Variants in RBFOX3 observed in about 807,000 individuals in gnomAD.
RBFOX3 encodes the protein RNA binding fox-1 homolog 3, also known as RNA binding protein fox-1 homolog 3.
RBFOX3 carries 17 observed loss-of-function variants against 48.7 expected under a neutral mutation model. That is an observed-to-expected ratio of 0.35 (90% confidence interval 0.24 to 0.52). RBFOX3 has a LOEUF of 0.52. RBFOX3 is among the 20% of genes least tolerant of loss of function. The pLI, the probability that RBFOX3 is intolerant of heterozygous loss-of-function variation, is 0.94. For missense variants in RBFOX3, 382 were observed against 497.5 expected, an observed-to-expected ratio of 0.77 and a Z score of 2.21; for synonymous variants, 212 against 209.5, an observed-to-expected ratio of 1.01 and a Z score of -0.10.
chr17:79,487,247 G>A (rs1450948707), intron 1 of RBFOX3, among the ~76,000 whole-genome samples: 1 of 151,384 alleles, frequency 6.6e-6, no homozygotes. Flanking sequence ...CACTGGCCAG[G>A]CAGAGAGGAG....
At chr17:79,211,253 G>T (rs904129634) in intron 4 of RBFOX3, among the ~76,000 whole-genome samples, 3 of 152,210 alleles carry the variant, frequency 2.0e-5, no homozygotes, top group Admixed American at 2.0e-4. Context: ...GTCGTGGGGA[G>T]GCACAAGCCC....
chr17:79,549,080 C>T (rs528055697), intron 1 of RBFOX3, among the ~76,000 whole-genome samples: 1 of 152,342 alleles, frequency 6.6e-6, no homozygotes, highest in South Asian at 2.1e-4. Flanking sequence ...ACCAAGGTCC[C>T]TTGTCCCCAG....
intron 2 of RBFOX3, among the ~76,000 whole-genome samples, chr17:79,338,367 A>G (rs2081527974): frequency 1.3e-5 from 2 of 151,490 alleles, no homozygotes; most frequent in Admixed American, 1.3e-4. Flanking sequence ...TGCTGCCCTG[A>G]GCCGAGAATA....
chr17:79,098,944 T>C (rs2146371038), intron 9 of RBFOX3: 1 of 152,412 alleles, frequency 6.6e-6, no homozygotes, highest in South Asian at 2.1e-4. Flanking sequence ...ACAACCCCAC[T>C]GCAGGGCAGG....
chr17:79,102,641 T>G (rs751513839), intron 8 of RBFOX3, among the ~76,000 whole-genome samples: 1 of 152,188 alleles, frequency 6.6e-6, no homozygotes, highest in Non-Finnish European at 1.5e-5. Context: ...CTGCTCCTCC[T>G]TGGGGCCTGG....
chr17:79,382,576 G>T (rs989251913), intron 2 of RBFOX3, among the ~76,000 whole-genome samples: 1 of 152,216 alleles, frequency 6.6e-6, no homozygotes, highest in African/African-American at 2.4e-5. Flanking sequence ...ACATGTGCTT[G>T]CTGGGGAAGC....
At chr17:79,636,310 C>T in the RBFOX3 span, among the ~76,000 whole-genome samples, 77 of 151,960 alleles carry the variant, frequency 5.1e-4, no homozygotes, top group African/African-American at 1.8e-3. Context: ...TCTGAATATA[C>T]CTATATATAT....
At chr17:79,458,171 A>T (rs2074838588) in intron 2 of RBFOX3, among the ~76,000 whole-genome samples, 1 of 152,244 alleles carries the variant, frequency 6.6e-6, no homozygotes, top group South Asian at 2.1e-4. Context: ...GCAGGCACGC[A>T]GTGTCTCGAA....
At chr17:79,432,027 C>A (rs1317038291) in intron 2 of RBFOX3, among the ~76,000 whole-genome samples, 2 of 152,210 alleles carry the variant, frequency 1.3e-5, no homozygotes, top group African/African-American at 4.8e-5. Context: ...TTCTAGGGAC[C>A]TCATCTAAGT....
At chr17:79,496,480 A>T (rs973832905) in intron 1 of RBFOX3, among the ~76,000 whole-genome samples, 4 of 152,210 alleles carry the variant, frequency 2.6e-5, no homozygotes, top group African/African-American at 9.7e-5. Flanking sequence ...CTAGCCAGCA[A>T]CTGCAACAAC....
At chr17:79,139,921 C>T (rs2041569304) in intron 4 of RBFOX3, among the ~76,000 whole-genome samples, 1 of 152,206 alleles carries the variant, frequency 6.6e-6, no homozygotes, top group African/African-American at 2.4e-5. Flanking sequence ...GATGGGAAAA[C>T]TGACGCCGAG....
At chr17:79,145,327 G>A (rs1444194742) in intron 4 of RBFOX3, among the ~76,000 whole-genome samples, 1 of 152,214 alleles carries the variant, frequency 6.6e-6, no homozygotes, top group Non-Finnish European at 1.5e-5. Flanking sequence ...TTCCCGATGT[G>A]CGTGGCGGTT....
At chr17:79,620,165 G>GCA in the RBFOX3 span, among the ~76,000 whole-genome samples, 134,836 of 144,790 alleles carry the variant, frequency 0.93, 62,528 homozygotes, top group Non-Finnish European at 0.99. Context: ...GCGCGGACAT[G>GCA]CACACACATG....
At chr17:79,094,640 G>A (rs2074785835) in intron 13 of RBFOX3, 111 bp from the exon 14 acceptor site, 13 of 667,542 alleles carry the variant, frequency 1.9e-5, no homozygotes, top group South Asian at 1.8e-4. Flanking sequence ...ACCCTGTACC[G>A]AGGTCCCATC....
At chr17:79,389,078 G>C (rs117844293) in intron 2 of RBFOX3, among the ~76,000 whole-genome samples, 4,389 of 151,208 alleles carry the variant, frequency 0.029, 81 homozygotes, top group Non-Finnish European at 0.044. Flanking sequence ...GAACAGAGAC[G>C]GAGGGACGAA....
intron 14 of RBFOX3, among the ~76,000 whole-genome samples, chr17:79,093,637 C>T (rs2074466339): frequency 6.6e-6 from 1 of 152,164 alleles, no homozygotes; most frequent in African/African-American, 2.4e-5. Context: ...CCTCCTCACT[C>T]TCCCAAGATG....
At chr17:79,643,017 G>A in the RBFOX3 span, among the ~76,000 whole-genome samples, 6 of 152,190 alleles carry the variant, frequency 3.9e-5, no homozygotes, top group Admixed American at 6.5e-5. Flanking sequence ...TGGGAGGATC[G>A]CTCAAGCCCA....
At chr17:79,216,876 G>A (rs2059123960) in intron 4 of RBFOX3, among the ~76,000 whole-genome samples, 1 of 152,148 alleles carries the variant, frequency 6.6e-6, no homozygotes, top group African/African-American at 2.4e-5. Context: ...AGGAACACGA[G>A]TCCCCTGCCC....
the RBFOX3 span, among the ~76,000 whole-genome samples, chr17:79,662,908 C>T: frequency 1.3e-5 from 2 of 152,016 alleles, no homozygotes; most frequent in Non-Finnish European, 2.9e-5. Context: ...CTCTTCTCCC[C>T]GCTCCAGACC....
Sources: gnomAD v4.1 joint callset for allele counts (sites outside exome capture counted in the v4.1 genomes callset) on GRCh38, gnomAD v4.1.1 for gene constraint, MANE v1.5 for transcripts, NCBI Gene and HGNC (gene_info 2026-07-23, HGNC 2026-07-21) for gene names.